INTS9: variants seen among roughly 807,000 people sequenced by gnomAD.
INTS9 encodes integrator complex subunit 9.
In INTS9, 55 loss-of-function variants were observed where a neutral mutation model predicts 79.7. The observed-to-expected ratio is 0.69, with a 90% confidence interval of 0.56 to 0.86. INTS9 has a LOEUF of 0.86. Among genes scored for constraint, INTS9 ranks in the 40% least tolerant of loss-of-function variants. The pLI is 0.00. For missense variants in INTS9, 721 were observed against 831.5 expected (o/e 0.87, Z 1.64); for synonymous variants, 319 against 325.2 (o/e 0.98, Z 0.20).
At chr8:28,832,790 C>G (rs576722294) in intron 6 of INTS9, among the ~76,000 whole-genome samples, 1 of 151,124 alleles carries the variant, frequency 6.6e-6, no homozygotes, top group African/African-American at 2.5e-5. Context: ...GGTGAAACCC[C>G]ATCTCTACTA....
chr8:28,848,774 A>G (rs941633599), intron 3 of INTS9, among the ~76,000 whole-genome samples: 2 of 152,198 alleles, frequency 1.3e-5, no homozygotes, highest in East Asian at 1.9e-4. Flanking sequence ...CTGCAGAAGC[A>G]TATTTGCCAT....
chr8:28,858,605 T>C (rs898804385), intron 2 of INTS9, among the ~76,000 whole-genome samples: 3 of 152,234 alleles, frequency 2.0e-5, no homozygotes, highest in Non-Finnish European at 2.9e-5. Context: ...ACCACCTTAC[T>C]GTGCCCCTTA....
chr8:28,795,861 T>G (rs569454772), intron 9 of INTS9, among the ~76,000 whole-genome samples: 6 of 152,306 alleles, frequency 3.9e-5, no homozygotes, highest in African/African-American at 1.4e-4. Context: ...CCAACCTATT[T>G]GTCTAAATGA....
rs755483494 is a variant in INTS9, at chr8:28,837,780, A to T, written c.262-4T>A. 4.3e-6 allele frequency: 7 copies of T among 1,612,060 alleles called. No individual in the cohort carries two copies. In the East Asian group the frequency reaches 1.1e-4, roughly 26 times the overall value. ...TAGACAGATCTATTAGCTCCGTCTG[A>T]AAAGAAAGGGAGGGAATGATATATA... On this transcript the variant is annotated splice_region_variant and splice_polypyrimidine_tract_variant and intron_variant, in intron 4 of 16. Coordinates refer to ENST00000521022, the MANE Select transcript of INTS9 (RefSeq NM_018250.4).
chr8:28,781,529 G>A (rs1259466350), intron 11 of INTS9, among the ~76,000 whole-genome samples: 4 of 152,170 alleles, frequency 2.6e-5, no homozygotes, highest in African/African-American at 4.8e-5. Flanking sequence ...TTGCTAAAAC[G>A]TGGAAACAAC....
intron 9 of INTS9, among the ~76,000 whole-genome samples, chr8:28,794,347 T>C (rs1343737588): frequency 3.3e-5 from 5 of 152,246 alleles, no homozygotes; most frequent in Non-Finnish European, 7.3e-5. Context: ...CATGGCTGAA[T>C]GACCTATAAG....
chr8:28,832,830 C>T (rs758646448), intron 6 of INTS9, among the ~76,000 whole-genome samples: 1 of 151,926 alleles, frequency 6.6e-6, no homozygotes, highest in East Asian at 1.9e-4. Context: ...GGCATGGTGG[C>T]GCTCACCTGT....
At chr8:28,834,111 C>T (rs1195509058) in intron 6 of INTS9, among the ~76,000 whole-genome samples, 2 of 152,180 alleles carry the variant, frequency 1.3e-5, no homozygotes, top group African/African-American at 2.4e-5. Flanking sequence ...TTACTACAGC[C>T]TCTTTTACAA....
At chr8:28,827,916 A>T (rs1389752279) in intron 6 of INTS9, among the ~76,000 whole-genome samples, 1 of 152,144 alleles carries the variant, frequency 6.6e-6, no homozygotes, top group Non-Finnish European at 1.5e-5. Flanking sequence ...CTTTAAAGTG[A>T]TTAATTGGGA....
intron 11 of INTS9, among the ~76,000 whole-genome samples, chr8:28,782,573 G>T (rs1174770990): frequency 1.3e-5 from 2 of 152,182 alleles, no homozygotes; most frequent in East Asian, 3.9e-4. Context: ...GCACGACAAA[G>T]ATCAAATTGG....
intron 1 of INTS9, among the ~76,000 whole-genome samples, chr8:28,866,730 A>C (rs751917946): frequency 1.3e-5 from 2 of 152,162 alleles, no homozygotes; most frequent in Non-Finnish European, 2.9e-5. Context: ...TAATCCCAGC[A>C]CTTTGGGAGG....
chr8:28,780,779 C>T, intron 12 of INTS9, 44 bp downstream of exon 12: 1 of 1,604,214 alleles, frequency 6.2e-7, no homozygotes, highest in Middle Eastern at 1.8e-4. Context: ...CACTCATGGC[C>T]TCAGTGGAGA....
At chr8:28,870,776 C>T (rs1276437877) in intron 1 of INTS9, among the ~76,000 whole-genome samples, 2 of 152,092 alleles carry the variant, frequency 1.3e-5, no homozygotes, top group East Asian at 1.9e-4. Context: ...AGACTTTCAA[C>T]GCAGACAAAA....
intron 2 of INTS9, among the ~76,000 whole-genome samples, chr8:28,853,812 G>A (rs1275436137): frequency 6.6e-6 from 1 of 151,606 alleles, no homozygotes. Flanking sequence ...CCCACCTCCT[G>A]GGTTTGCACC....
intron 11 of INTS9, among the ~76,000 whole-genome samples, chr8:28,782,977 C>A (rs984390657): frequency 1.3e-5 from 2 of 152,022 alleles, no homozygotes; most frequent in African/African-American, 2.4e-5. Context: ...GAAACCCCGT[C>A]TCTACTAAAA....
chr8:28,813,383 CA>C, intron 7 of INTS9, 108 bp downstream of exon 7: 1 of 1,097,392 alleles, frequency 9.1e-7, no homozygotes, highest in Non-Finnish European at 1.4e-6. Flanking sequence ...TCTGGATCCT[CA>C]GCAATGGAAT....
At chr8:28,850,461 T>C (rs907575198) in intron 2 of INTS9, among the ~76,000 whole-genome samples, 188 bp from the exon 3 acceptor site, 2 of 151,998 alleles carry the variant, frequency 1.3e-5, no homozygotes, top group African/African-American at 4.8e-5. Context: ...TATGTGGCAA[T>C]AGGATATTAA....
At chr8:28,783,482 C>T (rs1211478740) in intron 11 of INTS9, 1 of 152,288 alleles carries the variant, frequency 6.6e-6, no homozygotes. Context: ...GTGATAGGCT[C>T]AATCCTGTTG....
At chr8:28,768,501 A>C in intron 16 of INTS9, 179 bp from the exon 17 acceptor site, 1 of 627,806 alleles carries the variant, frequency 1.6e-6, no homozygotes, top group Non-Finnish European at 2.8e-6. Flanking sequence ...GAGACCCTAA[A>C]CATGCAAAAG....
Sources: allele counts gnomAD v4.1 joint callset (sites outside exome capture counted in the v4.1 genomes callset), GRCh38; gene constraint gnomAD v4.1.1; transcripts MANE v1.5; gene names NCBI Gene and HGNC (gene_info 2026-07-23, HGNC 2026-07-21).